Variants in GRXCR2 observed in about 807,000 individuals in gnomAD.
GRXCR2 encodes the protein glutaredoxin domain-containing cysteine-rich protein 2.
Under a neutral mutation model 24.8 loss-of-function variants are expected in GRXCR2, and 23 were observed. The ratio of observed to expected loss-of-function variants is 0.93; its 90% CI spans 0.67 to 1.32. The LOEUF is 1.32. Ranked by LOEUF, GRXCR2 falls within the 40% of genes most tolerant of loss-of-function variation. The pLI is 0.00. For missense variants in GRXCR2, 315 were observed against 303.4 expected (o/e 1.04, Z -0.28); for synonymous variants, 130 against 116.1 (o/e 1.12, Z -0.77).
At chr5:145,889,193 A>AAAGAAAGAAAGAAAGAAAGAAAGAAAGG (rs1561683132) in intron 2 of GRXCR2, among the ~76,000 whole-genome samples, 18 of 146,154 alleles carry the variant, frequency 1.2e-4, no homozygotes, top group African/African-American at 4.5e-4. Flanking sequence ...AGAAAGAAAG[A>AAAGAAAGAAAGAAAGAAAGAAAGAAAGG]AAGAAAGAAA....
At chr5:145,869,933 A>G (rs385426) in intron 1 of GRXCR2, among the ~76,000 whole-genome samples, 3,166 of 152,248 alleles carry the variant, frequency 0.021, 111 homozygotes, top group African/African-American at 0.073. Flanking sequence ...TCATATCACA[A>G]TGACGTTGAA....
At chr5:145,928,056 GA>G (rs1047008528) in intron 2 of GRXCR2, among the ~76,000 whole-genome samples, 7 of 151,680 alleles carry the variant, frequency 4.6e-5, no homozygotes, top group African/African-American at 1.5e-4. Context: ...AAATTTACAA[GA>G]AAAAAACAAA....
rs1278716246 is a variant in GRXCR2 at position 145,872,969 on chromosome 5, C to T, written c.-1G>A. The stretch of plus-strand genomic sequence containing the variant: ...TCAGCTTTTTCTCAGGGTCCTCCAT[C>T]AGCAGAAAGTTGACCCTGTGGTCTC... On this transcript the variant is annotated 5_prime_UTR_variant, in exon 1 of 3. Transcript: ENST00000377976. 6.8e-6 allele frequency: 11 copies of T among 1,613,376 alleles called. No homozygotes were observed. Among genetic ancestry groups the T allele is most frequent in the Non-Finnish European group, 7.6e-6 (9 of 1,179,478 alleles).
chr5:145,903,819 A>C (rs186436086), intron 2 of GRXCR2, among the ~76,000 whole-genome samples: 1 of 152,298 alleles, frequency 6.6e-6, no homozygotes, highest in Admixed American at 6.5e-5. Flanking sequence ...GCAGGCACAC[A>C]ACTGTTGCTG....
Position 145,859,804 on chromosome 5 carries a change from A to G in GRXCR2, c.676T>C (p.Ser226Pro), listed in dbSNP as rs760282045. The G allele has an allele frequency of 3.1e-6, 5 of 1,613,964 alleles. No homozygotes were observed. The Admixed American group carries it at 8.3e-5, about 27-fold the overall frequency. Residue 226 changes from serine to proline, a missense_variant, in exon 3 of 3, where the codon TCC (serine) becomes CCC (proline). Coordinates refer to ENST00000377976, the MANE Select transcript of GRXCR2 (RefSeq NM_001080516.2). ...FSMLANRFKE[S>P]YRALRCPACN... ...GCAGGGCACCTCAGGGCCCGATAGGACTCCTTAAATCTGTTGGCCAGCATC... is the reference window on the plus strand; with the variant it reads ...GCAGGGCACCTCAGGGCCCGATAGGGCTCCTTAAATCTGTTGGCCAGCATC...
intron 2 of GRXCR2, among the ~76,000 whole-genome samples, chr5:145,861,263 C>T (rs1756333375): frequency 6.6e-6 from 1 of 152,198 alleles, no homozygotes; most frequent in Non-Finnish European, 1.5e-5. Flanking sequence ...GTGATTGTCA[C>T]ATAGAAAGCA....
intron 2 of GRXCR2, among the ~76,000 whole-genome samples, chr5:145,904,831 T>C (rs1318553430): frequency 6.6e-6 from 1 of 152,226 alleles, no homozygotes; most frequent in Non-Finnish European, 1.5e-5. Flanking sequence ...GGGATGAGCC[T>C]CACATGCTCT....
At chr5:145,886,316 C>T (rs569919553) in intron 2 of GRXCR2, among the ~76,000 whole-genome samples, 1 of 152,136 alleles carries the variant, frequency 6.6e-6, no homozygotes, top group Non-Finnish European at 1.5e-5. Context: ...CTTTGAAATG[C>T]CTTTTCCTCA....
In GRXCR2 at chr5:145,872,926, T is replaced by G; in HGVS notation, c.43A>C (p.Lys15Gln). The G allele has an allele frequency of 6.2e-7, 1 of 1,614,212 alleles. No individual in the cohort carries two copies. Among genetic ancestry groups the G allele is most frequent in the Non-Finnish European group, 8.5e-7 (1 of 1,180,020 alleles). ...EKKLNQKSDGKPRKVRFKISS... is the reference protein window; with the variant it reads ...EKKLNQKSDGQPRKVRFKISS... Reference sequence around the variant, plus strand: ...ATTTTAAATCGTACTTTCCGGGGTTTGCCATCACTCTTCTGATTCAGCTTT... The same window carrying G: ...ATTTTAAATCGTACTTTCCGGGGTTGGCCATCACTCTTCTGATTCAGCTTT... The change falls in exon 1 of 3, where the codon AAA (lysine) becomes CAA (glutamine). Residue 15 changes from lysine to glutamine, a missense_variant. Physicochemically the swap from Lys to Gln is moderately conservative, Grantham distance 53 (BLOSUM62 1). Coordinates refer to ENST00000377976, the MANE Select transcript of GRXCR2 (RefSeq NM_001080516.2).
At chr5:145,865,809 C>T (rs1756419077) in intron 2 of GRXCR2, among the ~76,000 whole-genome samples, 1 of 152,016 alleles carries the variant, frequency 6.6e-6, no homozygotes, top group Non-Finnish European at 1.5e-5. Context: ...TCAAGGATAA[C>T]ACCAATAATA....
At chr5:145,879,729 C>A (rs571641830) in intron 2 of GRXCR2, among the ~76,000 whole-genome samples, 54 of 152,280 alleles carry the variant, frequency 3.5e-4, no homozygotes, top group Middle Eastern at 3.4e-3. Context: ...AACTCTCTAC[C>A]CCAAATCAAC....
At position 145,910,573 on chromosome 5, in the gene GRXCR2, A is replaced by G. The variant is rs372682424; in HGVS notation, c.-70+25128T>C. Among the ~76,000 whole-genome samples the G allele has an allele frequency of 6.0e-4, 92 of 152,296 alleles. 3 individuals carry two copies. In the South Asian group the frequency reaches 0.018, roughly 29 times the overall value. On this transcript the variant is annotated intron_variant, in intron 2 of 3. Transcript: ENST00000639411. ...ATAAGTATAGCTACTTCTACTTTGT[A>G]TATACTTTCGTAGTACATATGATTA... is the stretch of plus-strand genomic sequence containing the variant.
At chr5:145,869,575 T>TTTTTA (rs1756494326) in intron 1 of GRXCR2, among the ~76,000 whole-genome samples, 2 of 145,348 alleles carry the variant, frequency 1.4e-5, no homozygotes, top group South Asian at 2.2e-4. Flanking sequence ...TTTTTTTTTT[T>TTTTTA]GAGACGGAGT....
Position 145,872,907 on chromosome 5 carries a change from A to T in GRXCR2, c.62T>A (p.Phe21Tyr), listed in dbSNP as rs754234730. 6.2e-7 allele frequency: 1 copy of T among 1,614,176 alleles called. No homozygotes were observed. The highest frequency in any genetic ancestry group is 1.1e-5 in the South Asian group (1 of 91,080). The change falls in exon 1 of 3, where the codon TTT becomes TAT. Residue 21 changes from phenylalanine (F) to tyrosine (Y), a missense_variant. Coordinates refer to ENST00000377976, the MANE Select transcript of GRXCR2 (RefSeq NM_001080516.2). ...KSDGKPRKVR[F>Y]KISSSYSGRV... is the part of the protein sequence containing the mutation. ...ACCGCTGTAGGAGGAGGAGATTTTA[A>T]ATCGTACTTTCCGGGGTTTGCCATC...
intron 1 of GRXCR2, among the ~76,000 whole-genome samples, chr5:145,867,362 T>C (rs1756455275): frequency 3.3e-5 from 5 of 152,164 alleles, no homozygotes. Flanking sequence ...AAAGCCCATA[T>C]TTTTACCACC....
chr5:145,928,292 T>C lies in GRXCR2; in HGVS notation c.-70+7409A>G, dbSNP rs533319682. ...GGATGTGGACAAATAGGAACACTTT[T>C]ACACTGTTGGTGAGACTGTAAACTA... On this transcript the variant is annotated intron_variant, in intron 2 of 3. Coordinates refer to the GRXCR2 transcript ENST00000639411. Among the ~76,000 whole-genome samples, 8 of 152,288 alleles carry C rather than the reference T, an allele frequency of 5.3e-5. No individual in the cohort carries two copies. In the South Asian group the frequency reaches 1.0e-3, roughly 20 times the overall value.
At chr5:145,889,515 G>T (rs1304581839) in intron 2 of GRXCR2, among the ~76,000 whole-genome samples, 1 of 152,068 alleles carries the variant, frequency 6.6e-6, no homozygotes, top group African/African-American at 2.4e-5. Flanking sequence ...GGGAACTTCT[G>T]GGCATGTTTT....
chr5:145,899,108 C>G (rs1266040408), intron 2 of GRXCR2, among the ~76,000 whole-genome samples: 1 of 152,054 alleles, frequency 6.6e-6, no homozygotes, highest in East Asian at 1.9e-4. Flanking sequence ...TTTCTATGCA[C>G]CAGTAATGTT....
At chr5:145,863,344 G>A (rs1490915252) in intron 2 of GRXCR2, among the ~76,000 whole-genome samples, 2 of 152,224 alleles carry the variant, frequency 1.3e-5, no homozygotes, top group African/African-American at 4.8e-5. Flanking sequence ...GAGTTTAAAG[G>A]ACAGGCAAGT....
Sources: gnomAD v4.1 joint callset for allele counts (sites outside exome capture counted in the v4.1 genomes callset) on GRCh38, gnomAD v4.1.1 for gene constraint, MANE v1.5 for transcripts, NCBI Gene and HGNC (gene_info 2026-07-23, HGNC 2026-07-21) for gene names.